The following TREH variants were observed in gnomAD, a reference collection of about 807,000 sequenced individuals.
TREH encodes alpha,alpha-trehalose glucohydrolase.
A neutral mutation model predicts 80.5 loss-of-function variants in TREH; 69 were observed. That is an observed-to-expected ratio of 0.86 (90% CI 0.71 to 1.05). The LOEUF (loss-of-function observed/expected upper bound fraction) is 1.05, where lower values mean the gene tolerates loss of function less well. TREH is among the 50% of genes least tolerant of loss of function. The pLI is 0.00. For synonymous variants in TREH, 309 were observed against 293.5 expected, an observed-to-expected ratio of 1.05 and a Z score of -0.54; for missense variants, 716 against 718.8, an observed-to-expected ratio of 1.00 and a Z score of 0.04.
In TREH at chr11:118,676,778, AAAG is replaced by A. The variant is rs1555146906; in HGVS notation, c.89+2758_89+2760del. ...AGCTAGATTGCTGTCTCAAAAAAAA[AAAG>A]AAAGAAAAAAACAACAACAAAAAAA... On this transcript the variant is annotated intron_variant, in intron 1 of 14. Transcript: ENST00000264029. 1.1e-4 allele frequency among the ~76,000 whole-genome samples: 17 copies of A among 151,508 alleles called. No individual in the cohort carries two copies. The South Asian group carries it at 1.3e-3, about 11-fold the overall frequency.
chr11:118,677,594 A>T (rs1949491846), intron 1 of TREH, among the ~76,000 whole-genome samples: 1 of 152,084 alleles, frequency 6.6e-6, no homozygotes, highest in Non-Finnish European at 1.5e-5. Context: ...GCGTGGTGGC[A>T]GGTGCCTGTA....
chr11:118,666,647 A>G (rs1427180009), intron 1 of TREH, among the ~76,000 whole-genome samples: 1 of 151,982 alleles, frequency 6.6e-6, no homozygotes, highest in Non-Finnish European at 1.5e-5. Flanking sequence ...TCCAGGAACT[A>G]CTCTTTTTGG....
chr11:118,658,432 C>G lies in TREH; in HGVS notation c.1609G>C (p.Gly537Arg). The change falls in exon 15 of 15, where the codon GGC (glycine) becomes CGC (arginine). Residue 537 changes from glycine to arginine, a missense_variant. Gly to Arg is a moderately radical substitution (Grantham distance 125). Transcript: ENST00000264029. ...ATCAGGACCACGCCATTCGTCCAGC[C>G]AAATCCCTCCTGGGAGAGGCAGGGC... ...GGEYEVQEGF[G>R]WTNGVVLMLL... 2 of 1,611,056 alleles carry G rather than the reference C, an allele frequency of 1.2e-6. No individual in the cohort carries two copies. Among genetic ancestry groups the G allele is most frequent in the Non-Finnish European group, 1.7e-6 (2 of 1,179,356 alleles).
chr11:118,662,603 G>A (rs1949336216), intron 4 of TREH: 10 of 468,542 alleles, frequency 2.1e-5, no homozygotes, highest in Non-Finnish European at 3.1e-5. Flanking sequence ...AGTGGTGCCA[G>A]AGGCAGTGCT....
At chr11:118,669,773 A>G (rs1253841763) in intron 1 of TREH, among the ~76,000 whole-genome samples, 1 of 152,218 alleles carries the variant, frequency 6.6e-6, no homozygotes, top group Non-Finnish European at 1.5e-5. Flanking sequence ...GAAATAATGC[A>G]TAAGACCTAG....
chr11:118,672,166 G>A lies in TREH; in HGVS notation c.89+7373C>T, dbSNP rs377608765. ...TGTAATCCCAGCACTTTGGGAGGCC[G>A]AGGCGGGATGATCACTTGAGGAGTT... is the stretch of plus-strand genomic sequence containing the variant. On this transcript the variant is annotated intron_variant, in intron 1 of 14. Coordinates refer to ENST00000264029, the MANE Select transcript of TREH (RefSeq NM_007180.3). 2.0e-5 allele frequency among the ~76,000 whole-genome samples: 3 copies of A among 152,158 alleles called. No individual in the cohort carries two copies. The East Asian group carries it at 5.8e-4, about 29-fold the overall frequency.
In TREH at chr11:118,661,266, G is replaced by A. The variant is rs782596857; in HGVS notation, c.751C>T (p.Leu251=). The change falls in exon 8 of 15, where the codon CTA becomes TTA. Residue 251 remains leucine, a synonymous_variant. Transcript: ENST00000264029. The surrounding 1 kb of genome is among the most constrained non-coding windows in gnomAD (Gnocchi z 4.2). ...TAFLQENIET[L]ALELDFWTKN... ...GTCCAAAAGTCCAATTCCAAGGCTA[G>A]TGTTTCAATGTTTTCCCTGGAGTGA... The A allele has an allele frequency of 3.1e-6, 5 of 1,614,010 alleles. No homozygotes were observed. Among genetic ancestry groups the A allele is most frequent in the South Asian group, 1.1e-5 (1 of 91,088 alleles).
chr11:118,662,096 G>T, intron 4 of TREH, 106 bp from the exon 5 acceptor site: 1 of 891,690 alleles, frequency 1.1e-6, no homozygotes, highest in Non-Finnish European at 1.8e-6. Context: ...TTGGAGCCAG[G>T]CAGTTGGGTT....
At chr11:118,678,343 T>C (rs1949500503) in intron 1 of TREH, among the ~76,000 whole-genome samples, 1 of 146,336 alleles carries the variant, frequency 6.8e-6, no homozygotes, top group African/African-American at 2.5e-5. Context: ...TGTGCTTCTG[T>C]TACTGTTTTG....
chr11:118,662,990 A>C, intron 3 of TREH, 22 bp from the exon 4 acceptor site: 1 of 1,611,372 alleles, frequency 6.2e-7, no homozygotes, highest in East Asian at 2.2e-5. Flanking sequence ...CAGGCCCCAC[A>C]GGGTTCAAGG....
chr11:118,668,170 ATTTACT>A (rs1431714986), intron 1 of TREH, among the ~76,000 whole-genome samples: 2 of 152,084 alleles, frequency 1.3e-5, no homozygotes, highest in Admixed American at 6.6e-5. Context: ...CAGCCTACAA[ATTTACT>A]TTTAACAAGG....
Position 118,659,467 on chromosome 11 carries a change from C to G in TREH, c.1335G>C (p.Leu445=). 6.3e-7 allele frequency: 1 copy of G among 1,599,274 alleles called. No homozygotes were observed. The highest frequency in any genetic ancestry group is 8.5e-7 in the Non-Finnish European group (1 of 1,172,274). Residue 445 remains leucine (L), a synonymous_variant, in exon 12 of 15, where the codon CTG becomes CTC. Transcript: ENST00000264029. ...ALKYLEDNRI[L]TYQYGIPTSL... ...AGGTCGGGATCCCATACTGGTAAGT[C>G]AGGATCCGGTTGTCCTAGAAGGTCC... is the stretch of plus-strand genomic sequence containing the variant.
At chr11:118,663,260 CCT>C in intron 2 of TREH, 64 bp from the exon 3 acceptor site, 1 of 1,566,044 alleles carries the variant, frequency 6.4e-7, no homozygotes, top group Non-Finnish European at 8.7e-7. Context: ...ATCACAGGGG[CCT>C]CTCTACTTGG....
chr11:118,660,071 G>T (rs1243075282), intron 10 of TREH, 107 bp from the exon 11 acceptor site: 1 of 1,080,388 alleles, frequency 9.3e-7, no homozygotes, highest in Non-Finnish European at 1.3e-6. Context: ...CTCTGCAAAG[G>T]CTGAGACACC....
intron 1 of TREH, among the ~76,000 whole-genome samples, chr11:118,679,172 T>C (rs1347533035): frequency 4.6e-5 from 7 of 152,048 alleles, no homozygotes; most frequent in Non-Finnish European, 1.0e-4. Flanking sequence ...TGGAAAATTT[T>C]GGTAAAAATC....
intron 4 of TREH, among the ~76,000 whole-genome samples, chr11:118,662,411 G>T (rs1332364766): frequency 6.6e-6 from 1 of 152,226 alleles, no homozygotes; most frequent in Non-Finnish European, 1.5e-5. Flanking sequence ...TCTGAGCCAG[G>T]TGGGGATAAA....
intron 1 of TREH, among the ~76,000 whole-genome samples, chr11:118,671,533 G>A (rs1949429688): frequency 6.6e-6 from 1 of 152,092 alleles, no homozygotes; most frequent in Admixed American, 6.6e-5. Context: ...ATGCCTACAG[G>A]ATCTAGAAAA....
At chr11:118,663,250 A>C in intron 2 of TREH, 54 bp from the exon 3 acceptor site, 1 of 1,569,962 alleles carries the variant, frequency 6.4e-7, no homozygotes, top group South Asian at 1.2e-5. Context: ...CCACTCCCTA[A>C]TCACAGGGGC....
rs919124931 is a variant in TREH, at chr11:118,661,090, C to T, written c.857+70G>A. 1.1e-5 allele frequency: 18 copies of T among 1,605,094 alleles called. No homozygotes were observed. In the Admixed American group the frequency reaches 1.2e-4, roughly 10 times the overall value. On this transcript the variant is annotated intron_variant, in intron 8 of 14. Coordinates refer to ENST00000264029, the MANE Select transcript of TREH (RefSeq NM_007180.3). This position sits in a 1 kb window ranked among gnomAD's most constrained non-coding sequence, Gnocchi z 4.2. ...AGGCTAAGTCACTCCTCCTCCTGCC[C>T]GGGGCATTGTGATGCTCTAACCAGA...
Sources: gnomAD v4.1 joint callset for allele counts (sites outside exome capture counted in the v4.1 genomes callset) on GRCh38, gnomAD v4.1.1 for gene constraint, Gnocchi (gnomAD v3.1) non-coding constraint, MANE v1.5 for transcripts, NCBI Gene and HGNC (gene_info 2026-07-23, HGNC 2026-07-21) for gene names.